Variants in PDCD6IP observed in about 807,000 individuals in gnomAD.
PDCD6IP encodes the protein programmed cell death 6-interacting protein.
In PDCD6IP, 43 loss-of-function variants were observed where a neutral mutation model predicts 103.7. That is an observed-to-expected ratio of 0.41 (90% CI 0.32 to 0.53). PDCD6IP has a LOEUF of 0.53. PDCD6IP is among the 20% of genes least tolerant of loss of function. The probability of loss-of-function intolerance (pLI) is 0.16; values close to 1 mark genes in which losing one functional copy is unlikely to be tolerated. For missense variants in PDCD6IP, 871 were observed against 1,036.7 expected, an observed-to-expected ratio of 0.84 and a Z score of 2.20; for synonymous variants, 354 against 378.7, an observed-to-expected ratio of 0.93 and a Z score of 0.76.
intron 4 of PDCD6IP, 57 bp from the exon 5 acceptor site, chr3:33,825,130 A>G (rs1215027208): frequency 4.3e-6 from 6 of 1,410,918 alleles, no homozygotes; most frequent in Non-Finnish European, 5.9e-6. Context: ...TATATGTAAC[A>G]GTAGGAAATT....
At chr3:33,803,395 G>C (rs1696518563) in intron 1 of PDCD6IP, among the ~76,000 whole-genome samples, 1 of 152,096 alleles carries the variant, frequency 6.6e-6, no homozygotes, top group Non-Finnish European at 1.5e-5. Context: ...ATTTTACTGA[G>C]GTTGAACAGT....
intron 13 of PDCD6IP, 133 bp downstream of exon 13, chr3:33,852,869 A>G (rs1290702835): frequency 1.8e-6 from 2 of 1,089,592 alleles, no homozygotes; most frequent in Non-Finnish European, 2.4e-6. Flanking sequence ...TAATACATGT[A>G]TATTTTGTAA....
chr3:33,859,350 TA>T (rs1049121096), intron 15 of PDCD6IP, among the ~76,000 whole-genome samples: 9 of 149,444 alleles, frequency 6.0e-5, no homozygotes, highest in African/African-American at 2.0e-4. Flanking sequence ...CAGAAGCCAT[TA>T]AAAAAAAAGA....
chr3:33,817,208 C>T (rs941339916), intron 3 of PDCD6IP, among the ~76,000 whole-genome samples: 3 of 152,154 alleles, frequency 2.0e-5, no homozygotes, highest in African/African-American at 7.2e-5. Context: ...TGGGACACTC[C>T]TCATACAGAA....
At chr3:33,834,781 T>A (rs1352946137) in intron 7 of PDCD6IP, among the ~76,000 whole-genome samples, 1 of 152,224 alleles carries the variant, frequency 6.6e-6, no homozygotes, top group Non-Finnish European at 1.5e-5. Context: ...GGTCATTTTA[T>A]AGATGTAGAT....
intron 12 of PDCD6IP, among the ~76,000 whole-genome samples, chr3:33,849,495 G>A (rs1423538781): frequency 6.6e-6 from 1 of 151,192 alleles, no homozygotes; most frequent in Non-Finnish European, 1.5e-5. Context: ...GTTAGTAGTT[G>A]TGTCCATAGC....
chr3:33,826,634 C>CT, intron 6 of PDCD6IP, 54 bp downstream of exon 6: 5 of 1,598,580 alleles, frequency 3.1e-6, no homozygotes, highest in East Asian at 2.3e-5. Context: ...AATATTTAGA[C>CT]TTTTTTGTGT....
intron 1 of PDCD6IP, among the ~76,000 whole-genome samples, chr3:33,804,792 C>T (rs977409338): frequency 1.3e-5 from 2 of 152,166 alleles, no homozygotes; most frequent in African/African-American, 4.8e-5. Flanking sequence ...CTCTCTGCTG[C>T]AGTAGTGCTT....
At chr3:33,821,506 A>G (rs1006618262) in intron 3 of PDCD6IP, among the ~76,000 whole-genome samples, 44 of 152,026 alleles carry the variant, frequency 2.9e-4, no homozygotes, top group Admixed American at 2.9e-3. Flanking sequence ...TGCATGAGGG[A>G]GTAAAGCATA....
intron 12 of PDCD6IP, among the ~76,000 whole-genome samples, chr3:33,850,864 T>A (rs1018962810): frequency 6.6e-6 from 1 of 152,096 alleles, no homozygotes; most frequent in African/African-American, 2.4e-5. Context: ...CACAGCCTTC[T>A]CCCCTGTACC....
At chr3:33,834,438 A>G (rs543828365) in intron 7 of PDCD6IP, among the ~76,000 whole-genome samples, 6 of 152,308 alleles carry the variant, frequency 3.9e-5, no homozygotes, top group East Asian at 3.9e-4. Flanking sequence ...TTGATTTACA[A>G]ATTTAAAAAG....
intron 7 of PDCD6IP, among the ~76,000 whole-genome samples, chr3:33,830,908 T>C (rs145030969): frequency 6.6e-6 from 1 of 152,160 alleles, no homozygotes; most frequent in East Asian, 1.9e-4. Flanking sequence ...CTGACGGAGA[T>C]CTTAGGAGGT....
chr3:33,814,284 G>A (rs1244125849), intron 3 of PDCD6IP, among the ~76,000 whole-genome samples: 1 of 151,658 alleles, frequency 6.6e-6, no homozygotes, highest in Non-Finnish European at 1.5e-5. Context: ...GGGATTACAA[G>A]CACCCGCCAC....
intron 15 of PDCD6IP, among the ~76,000 whole-genome samples, chr3:33,859,313 A>G (rs1697898541): frequency 6.6e-6 from 1 of 152,192 alleles, no homozygotes; most frequent in African/African-American, 2.4e-5. Context: ...TGGGATGAGC[A>G]GGATCTAATA....
chr3:33,821,342 A>G (rs544144402), intron 3 of PDCD6IP, among the ~76,000 whole-genome samples: 1 of 152,196 alleles, frequency 6.6e-6, no homozygotes, highest in Admixed American at 6.5e-5. Context: ...AGTACAGGAA[A>G]GTTCCAGTTT....
chr3:33,836,096 A>G lies in PDCD6IP; in HGVS notation c.887A>G (p.Asn296Ser). ...TVASRYDEYV[N>S]VKDFSDKINR... ...GCATCTCGCTATGATGAATATGTTAATGTGAAGGATTTTTCTGACAAAATC... is the reference window on the plus strand; with the variant it reads ...GCATCTCGCTATGATGAATATGTTAGTGTGAAGGATTTTTCTGACAAAATC... The change falls in exon 8 of 18, where the codon AAT (asparagine) becomes AGT (serine). Residue 296 changes from asparagine (N) to serine (S), a missense_variant. Physicochemically the swap from Asn to Ser is conservative, Grantham distance 46 (BLOSUM62 1). Transcript: ENST00000307296. The G allele has an allele frequency of 6.2e-7, 1 of 1,612,984 alleles. No individual in the cohort carries two copies. Among genetic ancestry groups the G allele is most frequent in the African/African-American group, 1.3e-5 (1 of 75,008 alleles).
At chr3:33,826,018 A>G (rs756607801) in intron 5 of PDCD6IP, among the ~76,000 whole-genome samples, 3 of 152,162 alleles carry the variant, frequency 2.0e-5, no homozygotes, top group Non-Finnish European at 4.4e-5. Context: ...AGTTAGCATG[A>G]GAGATTGAAA....
intron 15 of PDCD6IP, among the ~76,000 whole-genome samples, chr3:33,856,001 G>A (rs556521687): frequency 4.0e-4 from 61 of 152,266 alleles, no homozygotes; most frequent in Non-Finnish European, 7.1e-4. Context: ...GCGGGCAGCT[G>A]GGCGAGTATT....
intron 7 of PDCD6IP, among the ~76,000 whole-genome samples, chr3:33,829,369 A>G (rs1424154502): frequency 6.6e-6 from 1 of 152,132 alleles, no homozygotes; most frequent in Non-Finnish European, 1.5e-5. Context: ...AAATAATTCT[A>G]AATTAATTGC....
Sources: gnomAD v4.1 joint callset for allele counts (sites outside exome capture counted in the v4.1 genomes callset) on GRCh38, gnomAD v4.1.1 for gene constraint, MANE v1.5 for transcripts, NCBI Gene and HGNC (gene_info 2026-07-23, HGNC 2026-07-21) for gene names.